ROPN1: variants seen among roughly 807,000 people sequenced by gnomAD.
ROPN1 encodes the protein ropporin-1A.
A neutral mutation model predicts 20.5 loss-of-function variants in ROPN1; 14 were observed. The ratio of observed to expected loss-of-function variants is 0.68; its 90% CI spans 0.45 to 1.07. The LOEUF (loss-of-function observed/expected upper bound fraction) is 1.07. Among genes scored for constraint, ROPN1 ranks in the 50% least tolerant of loss-of-function variants. The pLI is 0.00. For synonymous variants in ROPN1, 76 were observed against 95.7 expected (o/e 0.79, Z 1.20); for missense variants, 169 against 242.8 (o/e 0.70, Z 2.02).
chr3:123,988,073 T>A (rs2038308178), intron 1 of ROPN1, among the ~76,000 whole-genome samples: 1 of 152,200 alleles, frequency 6.6e-6, no homozygotes, highest in Non-Finnish European at 1.5e-5. Context: ...CTGTCTTATA[T>A]AAGAGTATGA....
At chr3:123,979,797 A>G in intron 2 of ROPN1, 1 of 348,498 alleles carries the variant, frequency 2.9e-6, no homozygotes, top group Admixed American at 4.1e-5. Flanking sequence ...AAAGAAAATA[A>G]CAATAATTTC....
intron 1 of ROPN1, among the ~76,000 whole-genome samples, chr3:123,985,310 T>C (rs1019884189): frequency 6.6e-6 from 1 of 152,280 alleles, no homozygotes; most frequent in Non-Finnish European, 1.5e-5. Flanking sequence ...GGATTATTAC[T>C]TTAATTGCAA....
chr3:123,971,619 G>A (rs1206952779), intron 4 of ROPN1, among the ~76,000 whole-genome samples: 1 of 152,146 alleles, frequency 6.6e-6, no homozygotes, highest in African/African-American at 2.4e-5. Flanking sequence ...GTATATATGA[G>A]GCTGTCTGGG....
At chr3:123,988,748 G>A (rs766065658) in intron 1 of ROPN1, among the ~76,000 whole-genome samples, 2 of 151,950 alleles carry the variant, frequency 1.3e-5, no homozygotes, top group African/African-American at 4.8e-5. Flanking sequence ...CAAAATTTAT[G>A]TGTTTTATTG....
intron 2 of ROPN1, among the ~76,000 whole-genome samples, chr3:123,977,911 C>G (rs1450643818): frequency 6.6e-6 from 1 of 152,108 alleles, no homozygotes. Flanking sequence ...GGACATGAGC[C>G]GCTGACATGT....
intron 1 of ROPN1, among the ~76,000 whole-genome samples, chr3:123,989,227 C>T (rs1014374475): frequency 6.6e-6 from 1 of 152,150 alleles, no homozygotes; most frequent in Non-Finnish European, 1.5e-5. Flanking sequence ...CTAAAGTGGA[C>T]AAAGCAGGAG....
intron 1 of ROPN1, among the ~76,000 whole-genome samples, chr3:123,986,943 A>G (rs1423518711): frequency 6.6e-6 from 1 of 152,244 alleles, no homozygotes; most frequent in African/African-American, 2.4e-5. Context: ...GGAAGAGGCC[A>G]GCAGACCAAG....
chr3:123,973,181 G>A (rs980364582), intron 4 of ROPN1, among the ~76,000 whole-genome samples: 1 of 152,118 alleles, frequency 6.6e-6, no homozygotes, highest in Admixed American at 6.5e-5. Flanking sequence ...CCGTACCACT[G>A]GCCAACCCCA....
At chr3:123,980,756 T>C in intron 1 of ROPN1, 1 of 355,042 alleles carries the variant, frequency 2.8e-6, no homozygotes, top group East Asian at 4.3e-5. Context: ...AAAAATTCCC[T>C]AATGATATCG....
chr3:123,973,054 T>C (rs1041764670), intron 4 of ROPN1, among the ~76,000 whole-genome samples: 8 of 152,086 alleles, frequency 5.3e-5, no homozygotes, highest in African/African-American at 1.9e-4. Flanking sequence ...ACTAATCCCA[T>C]TCATGAGGGC....
At chr3:123,974,974 T>C (rs2037991489) in intron 4 of ROPN1, 1 of 240,616 alleles carries the variant, frequency 4.2e-6, no homozygotes, top group South Asian at 6.0e-5. Flanking sequence ...TATTACATAG[T>C]TTTCGATAAG....
At chr3:123,988,320 A>G (rs1354772174) in intron 1 of ROPN1, among the ~76,000 whole-genome samples, 2 of 152,004 alleles carry the variant, frequency 1.3e-5, no homozygotes, top group East Asian at 3.9e-4. Flanking sequence ...TAATTTTTGT[A>G]TTTTTAGTAG....
At position 123,969,144 on chromosome 3, in the gene ROPN1, A is replaced by C. The variant is rs766485924; in HGVS notation, c.*11T>G. 2 of 1,612,198 alleles carry C rather than the reference A, an allele frequency of 1.2e-6. No individual in the cohort carries two copies. The highest frequency in any genetic ancestry group is 4.5e-5 in the East Asian group (2 of 44,860). Reference sequence around the variant, plus strand: ...TCTGTATCTTCCTTTAAAATTGCCAAAATTGTGCTTTTACTCCAGCTGAAC... The same window carrying C: ...TCTGTATCTTCCTTTAAAATTGCCACAATTGTGCTTTTACTCCAGCTGAAC... On this transcript the variant is annotated 3_prime_UTR_variant, in exon 6 of 6. Transcript: ENST00000405845.
intron 1 of ROPN1, among the ~76,000 whole-genome samples, chr3:123,987,224 T>G (rs2038281115): frequency 6.6e-6 from 1 of 152,222 alleles, no homozygotes; most frequent in African/African-American, 2.4e-5. Context: ...AGGGTTCCAG[T>G]GGACCCTGGT....
At chr3:123,986,454 T>C (rs1038052083) in intron 1 of ROPN1, among the ~76,000 whole-genome samples, 2 of 150,818 alleles carry the variant, frequency 1.3e-5, no homozygotes, top group Admixed American at 1.3e-4. Context: ...GCACTGGAGG[T>C]GGTGTTGAAT....
At position 123,970,150 on chromosome 3, in the gene ROPN1, C is replaced by A; in HGVS notation, c.464G>T (p.Arg155Leu). The A allele has an allele frequency of 6.2e-7, 1 of 1,614,072 alleles. No homozygotes were observed. The highest frequency in any genetic ancestry group is 8.5e-7 in the Non-Finnish European group (1 of 1,179,992). Residue 155 changes from arginine to leucine, a missense_variant, in exon 5 of 6, where the codon CGG becomes CTG. Around this residue, in one of 3 missense-constraint regions of ROPN1, gnomAD observed 82 missense variants for 100.1 expected, o/e 0.82. Coordinates refer to ENST00000405845, the MANE Select transcript of ROPN1 (RefSeq NM_001317774.2). Reference protein sequence around the residue: ...LSCDHNGGSPRIPFSTFQFLY... With the variant: ...LSCDHNGGSPLIPFSTFQFLY... ...AAACTGGAAGGTGCTGAACGGGATC[C>A]GGGGCGACCCACCATTATGGTCACA...
chr3:123,990,419 A>G (rs1212421526), intron 1 of ROPN1, among the ~76,000 whole-genome samples: 3 of 152,034 alleles, frequency 2.0e-5, no homozygotes, highest in African/African-American at 7.2e-5. Context: ...GTACCCTTGT[A>G]GAAATAGAAA....
At chr3:123,977,720 A>G (rs1462555005) in intron 2 of ROPN1, among the ~76,000 whole-genome samples, 1 of 152,248 alleles carries the variant, frequency 6.6e-6, no homozygotes, top group East Asian at 1.9e-4. Flanking sequence ...AGACAATCTT[A>G]AGCTATATGG....
At chr3:123,972,387 C>A (rs1442798321) in intron 4 of ROPN1, among the ~76,000 whole-genome samples, 3 of 152,212 alleles carry the variant, frequency 2.0e-5, no homozygotes, top group African/African-American at 7.2e-5. Context: ...CAGACATAAT[C>A]TTTAAGCATC....
Sources: gnomAD v4.1 joint callset for allele counts (sites outside exome capture counted in the v4.1 genomes callset) on GRCh38, gnomAD v4.1.1 for gene constraint, gnomAD v4.1.1 regional missense constraint, MANE v1.5 for transcripts, NCBI Gene and HGNC (gene_info 2026-07-23, HGNC 2026-07-21) for gene names.